NSD2: variants seen among roughly 807,000 people sequenced by gnomAD.
The protein encoded by NSD2 is nuclear receptor binding SET domain protein 2.
Under a neutral mutation model 139.0 loss-of-function variants are expected in NSD2, and 12 were observed. That is an observed-to-expected ratio of 0.09 (90% CI 0.06 to 0.14). NSD2 has a LOEUF of 0.14. Ranked by LOEUF, NSD2 falls within the 10% of genes least tolerant of loss-of-function variation. NSD2 has a pLI of 1.00. For missense variants in NSD2, 1,155 were observed against 1,745.0 expected, an observed-to-expected ratio of 0.66 and a Z score of 6.02; for synonymous variants, 669 against 648.7, an observed-to-expected ratio of 1.03 and a Z score of -0.48.
At chr4:1,907,158 T>A (rs1718031720) in intron 3 of NSD2, among the ~76,000 whole-genome samples, 1 of 152,122 alleles carries the variant, frequency 6.6e-6, no homozygotes, top group African/African-American at 2.4e-5. Flanking sequence ...TATATGAAAA[T>A]GAGGAAGATG....
At chr4:1,968,643 AT>A (rs1462137647) in intron 18 of NSD2, among the ~76,000 whole-genome samples, 1 of 152,208 alleles carries the variant, frequency 6.6e-6, no homozygotes, top group African/African-American at 2.4e-5. Flanking sequence ...TTAAAAAAAA[AT>A]CAAAATGTCA....
At chr4:1,926,206 G>A (rs1720894534) in intron 5 of NSD2, among the ~76,000 whole-genome samples, 1 of 148,454 alleles carries the variant, frequency 6.7e-6, no homozygotes, top group South Asian at 2.1e-4. Context: ...CCAGGCTGGA[G>A]TGCAGAGGCA....
At chr4:1,943,959 A>G (rs954191529) in intron 9 of NSD2, 21 of 1,064,436 alleles carry the variant, frequency 2.0e-5, no homozygotes, top group Non-Finnish European at 2.3e-5. Flanking sequence ...CTCCCTCTAT[A>G]TTATGGAGAA....
intron 17 of NSD2, among the ~76,000 whole-genome samples, chr4:1,960,420 T>G (rs1725250042): frequency 6.6e-6 from 1 of 152,168 alleles, no homozygotes. Flanking sequence ...AAGTCGTTGG[T>G]AGACACCAGG....
chr4:1,894,936 T>C (rs577212242), intron 1 of NSD2, among the ~76,000 whole-genome samples: 1 of 152,284 alleles, frequency 6.6e-6, no homozygotes, highest in East Asian at 1.9e-4. Context: ...TAATTCCCCA[T>C]CCTCCTTTTT....
At chr4:1,898,510 A>T (rs1398841854) in intron 1 of NSD2, among the ~76,000 whole-genome samples, 1 of 151,970 alleles carries the variant, frequency 6.6e-6, no homozygotes, top group Non-Finnish European at 1.5e-5. Flanking sequence ...TAAAAATACA[A>T]AAAATTAGCC....
chr4:1,974,526 G>T lies in NSD2; in HGVS notation c.3373-337G>T. 1 of 438,984 alleles carries T rather than the reference G, an allele frequency of 2.3e-6. No individual in the cohort carries two copies. The highest frequency in any genetic ancestry group is 2.0e-5 in the African/African-American group (1 of 50,012). The allele number at this position is 438,984 out of a possible 1,614,324, so 27.2% of individuals were successfully genotyped here. On this transcript the variant is annotated intron_variant, in intron 18 of 21. Transcript: ENST00000508803. The surrounding 1 kb of genome is among the most constrained non-coding windows in gnomAD (Gnocchi z 4.0). Reference sequence around the variant, plus strand: ...ACTGCGCCCAGCCAGGGTGAGTCTTGTTCTTGTCCTTGAGTGCCACTTGGC... The same window carrying T: ...ACTGCGCCCAGCCAGGGTGAGTCTTTTTCTTGTCCTTGAGTGCCACTTGGC...
At chr4:1,907,605 T>C (rs1024351214) in intron 3 of NSD2, among the ~76,000 whole-genome samples, 33 of 150,328 alleles carry the variant, frequency 2.2e-4, no homozygotes, top group Non-Finnish European at 3.8e-4. Context: ...TTGTTCTACC[T>C]GTTGAATCTC....
intron 1 of NSD2, among the ~76,000 whole-genome samples, chr4:1,889,734 T>A (rs1407923012): frequency 1.3e-5 from 2 of 152,090 alleles, no homozygotes; most frequent in Non-Finnish European, 2.9e-5. Context: ...GATCCACTCC[T>A]GACCTCAGGT....
rs755948082 is a variant in NSD2, at chr4:1,900,646, C to T, written c.-9C>T. The stretch of plus-strand genomic sequence containing the variant: ...CATAGTGTTCTAAGAACGGAAGCAT[C>T]TGGGCTGGATGGAATTTAGCATCAA... On this transcript the variant is annotated 5_prime_UTR_variant, in exon 2 of 22. Coordinates refer to ENST00000508803, the MANE Select transcript of NSD2 (RefSeq NM_001042424.3). 6.4e-7 allele frequency: 1 copy of T among 1,555,100 alleles called. No individual in the cohort carries two copies. The highest frequency in any genetic ancestry group is 8.7e-7 in the Non-Finnish European group (1 of 1,151,278).
chr4:1,937,055 AT>A (rs547698122), intron 7 of NSD2, among the ~76,000 whole-genome samples: 211 of 144,278 alleles, frequency 1.5e-3, no homozygotes, highest in Non-Finnish European at 1.3e-3. Context: ...TGGTCACCTA[AT>A]TTTTTTTTTT....
intron 1 of NSD2, among the ~76,000 whole-genome samples, chr4:1,875,970 C>G (rs1020265091): frequency 6.6e-6 from 1 of 151,688 alleles, no homozygotes; most frequent in South Asian, 2.1e-4. Flanking sequence ...AATCCCAGCA[C>G]TTTGGGAGGC....
chr4:1,952,361 T>A, intron 11 of NSD2, 130 bp downstream of exon 11: 1 of 1,384,986 alleles, frequency 7.2e-7, no homozygotes, highest in Non-Finnish European at 9.7e-7. Context: ...CCTGGCCCTC[T>A]CTGGAGCTTG....
At chr4:1,941,688 A>G in intron 9 of NSD2, 2 of 1,045,798 alleles carry the variant, frequency 1.9e-6, no homozygotes, top group Non-Finnish European at 2.3e-6. Context: ...CATGTTCCTT[A>G]TATGAAAACG....
chr4:1,977,300 T>C (rs1727191480), intron 21 of NSD2, among the ~76,000 whole-genome samples: 1 of 152,210 alleles, frequency 6.6e-6, no homozygotes, highest in African/African-American at 2.4e-5. Flanking sequence ...AGCGTCTTGT[T>C]CCACTTGGTG....
At chr4:1,905,298 G>A (rs1056639962) in intron 3 of NSD2, among the ~76,000 whole-genome samples, 4 of 152,248 alleles carry the variant, frequency 2.6e-5, no homozygotes, top group African/African-American at 4.8e-5. Context: ...GCGATGTGGC[G>A]AGTGCGGAGT....
chr4:1,872,605 A>G (rs1355032303), intron 1 of NSD2, among the ~76,000 whole-genome samples: 1 of 131,464 alleles, frequency 7.6e-6, no homozygotes, highest in Non-Finnish European at 1.6e-5. Flanking sequence ...AGAGAGAGAG[A>G]GAGAGAGAGA....
In NSD2 at chr4:1,894,334, C is replaced by T. The variant is rs146973082; in HGVS notation, c.-29-6292C>T. Among the ~76,000 whole-genome samples, 726 of 152,220 alleles carry T rather than the reference C, an allele frequency of 4.8e-3. 22 individuals are homozygous for T. The highest frequency in any genetic ancestry group is 0.043 in the Admixed American group (663 of 15,268). ...ATGATTTGTTTTCATTTATTTTGCT[C>T]AGAACATAGGGTGCTCTTTTATTCA... On this transcript the variant is annotated intron_variant, in intron 1 of 21. Coordinates refer to ENST00000508803, the MANE Select transcript of NSD2 (RefSeq NM_001042424.3).
chr4:1,904,470 C>A, intron 3 of NSD2, 92 bp downstream of exon 3: 1 of 1,366,446 alleles, frequency 7.3e-7, no homozygotes, highest in African/African-American at 1.5e-5. Context: ...TCTAAATAGC[C>A]CTGCTATGGT....
Sources: gnomAD v4.1 joint callset for allele counts (sites outside exome capture counted in the v4.1 genomes callset) on GRCh38, gnomAD v4.1.1 for gene constraint, Gnocchi (gnomAD v3.1) non-coding constraint, MANE v1.5 for transcripts, NCBI Gene and HGNC (gene_info 2026-07-23, HGNC 2026-07-21) for gene names.